PROCR: variants seen among roughly 807,000 people sequenced by gnomAD.
PROCR encodes protein C receptor.
PROCR carries 22 observed loss-of-function variants against 24.2 expected under a neutral mutation model. The ratio of observed to expected loss-of-function variants is 0.91; its 90% CI spans 0.65 to 1.30. PROCR has a LOEUF of 1.30. Ranked by LOEUF, PROCR falls within the 50% of genes most tolerant of loss-of-function variation. PROCR has a pLI of 0.00. For synonymous variants in PROCR, 137 were observed against 139.2 expected (o/e 0.98, Z 0.11); for missense variants, 288 against 307.7 (o/e 0.94, Z 0.48).
chr20:35,214,023 C>T (rs1017405000), intron 1 of PROCR, among the ~76,000 whole-genome samples: 14 of 151,402 alleles, frequency 9.2e-5, no homozygotes, highest in African/African-American at 2.9e-4. Flanking sequence ...TTCGGTGAGC[C>T]GAGACTGTGC....
intron 1 of PROCR, among the ~76,000 whole-genome samples, chr20:35,192,546 G>A (rs375111563): frequency 6.6e-6 from 1 of 152,040 alleles, no homozygotes; most frequent in African/African-American, 2.4e-5. Flanking sequence ...CATATCCCCC[G>A]GGTTGCTTTT....
At chr20:35,195,719 G>A (rs1309032082) in intron 1 of PROCR, among the ~76,000 whole-genome samples, 1 of 151,494 alleles carries the variant, frequency 6.6e-6, no homozygotes, top group Non-Finnish European at 1.5e-5. Context: ...TACTCGGGAG[G>A]CTGAGGCAGG....
intron 1 of PROCR, chr20:35,195,572 G>A (rs1263360401): frequency 2.0e-5 from 3 of 152,144 alleles, no homozygotes; most frequent in African/African-American, 7.2e-5. Context: ...TGTAATCCTA[G>A]CACTTTGGAA....
intron 1 of PROCR, among the ~76,000 whole-genome samples, chr20:35,206,671 C>T (rs1329659436): frequency 6.6e-6 from 1 of 151,884 alleles, no homozygotes; most frequent in Admixed American, 6.6e-5. Context: ...TGTCTATACA[C>T]CTATTGAAAT....
Position 35,176,228 on chromosome 20 carries a change from A to T in PROCR, c.383A>T (p.His128Leu). 8.1e-6 allele frequency: 13 copies of T among 1,614,122 alleles called. No homozygotes were observed. Among genetic ancestry groups the T allele is most frequent in the Non-Finnish European group, 1.1e-5 (13 of 1,180,030 alleles). Reference sequence around the variant, plus strand: ...CTGCCTCCCGAGGGCTCTAGAGCCCATGTCTTCTTCGAAGTGGCTGTGAAT... The same window carrying T: ...CTGCCTCCCGAGGGCTCTAGAGCCCTTGTCTTCTTCGAAGTGGCTGTGAAT... ...CELPPEGSRA[H>L]VFFEVAVNGS... Residue 128 changes from histidine to leucine, a missense_variant, in exon 3 of 4, where the codon CAT becomes CTT. Transcript: ENST00000216968.
chr20:35,173,484 C>T (rs1477232782), intron 1 of PROCR, among the ~76,000 whole-genome samples: 1 of 131,018 alleles, frequency 7.6e-6, no homozygotes, highest in Non-Finnish European at 1.5e-5. Flanking sequence ...GGCTGGAATG[C>T]AGTGGCACAA....
intron 1 of PROCR, among the ~76,000 whole-genome samples, chr20:35,207,279 A>G (rs2060345983): frequency 6.6e-6 from 1 of 152,078 alleles, no homozygotes; most frequent in African/African-American, 2.4e-5. Context: ...TGGTGTTTAC[A>G]TAATTCTTTG....
At chr20:35,174,103 T>C (rs2085980397) in intron 1 of PROCR, among the ~76,000 whole-genome samples, 1 of 152,128 alleles carries the variant, frequency 6.6e-6, no homozygotes, top group Non-Finnish European at 1.5e-5. Flanking sequence ...AAGATAATAA[T>C]GTATGTAAAG....
intron 1 of PROCR, among the ~76,000 whole-genome samples, chr20:35,198,935 C>T (rs1336544400): frequency 1.3e-5 from 2 of 152,066 alleles, no homozygotes; most frequent in Non-Finnish European, 2.9e-5. Context: ...AGGCTGGTCT[C>T]GAACTCCTGA....
intron 1 of PROCR, among the ~76,000 whole-genome samples, chr20:35,188,464 A>G (rs1307267543): frequency 1.3e-5 from 2 of 152,208 alleles, no homozygotes; most frequent in South Asian, 2.1e-4. Flanking sequence ...CCTTTCCTAG[A>G]CTAAGATCTT....
intron 1 of PROCR, 69 bp downstream of exon 1, chr20:35,172,293 A>C: frequency 6.5e-7 from 1 of 1,541,974 alleles, no homozygotes; most frequent in East Asian, 2.2e-5. Flanking sequence ...GGCACATGGC[A>C]AGACCACAGG....
rs535165483 is a variant in PROCR, at chr20:35,187,216, A to C, written c.94+10770A>C. Among the ~76,000 whole-genome samples, 4 of 119,462 alleles carry C rather than the reference A, an allele frequency of 3.3e-5. No homozygotes were observed. The South Asian group carries it at 1.2e-3, about 37-fold the overall frequency. The allele number at this position is 119,462 out of a possible 152,430, so 78.4% of individuals were successfully genotyped here. A position where few individuals can be genotyped will look rare whatever the true frequency, so the allele number is the denominator to read the frequency against. On this transcript the variant is annotated intron_variant, in intron 1 of 1. Coordinates refer to the PROCR transcript ENST00000634509. ...CAGGCATGCACCTCCAAGCCTGCCTAAATTTGTTTTGTTTGTTTGTTTGTT... is the reference window on the plus strand; with the variant it reads ...CAGGCATGCACCTCCAAGCCTGCCTCAATTTGTTTTGTTTGTTTGTTTGTT...
intron 1 of PROCR, among the ~76,000 whole-genome samples, chr20:35,206,448 C>A (rs576627962): frequency 7.7e-6 from 1 of 129,378 alleles, no homozygotes; most frequent in South Asian, 2.6e-4. Flanking sequence ...GCAGTCCAGC[C>A]TGGGCAACAG....
At chr20:35,208,864 C>G (rs894852751) in intron 1 of PROCR, among the ~76,000 whole-genome samples, 2 of 151,990 alleles carry the variant, frequency 1.3e-5, no homozygotes, top group Admixed American at 1.3e-4. Context: ...ACCAGCTACT[C>G]GGGAGGCTGA....
intron 1 of PROCR, among the ~76,000 whole-genome samples, chr20:35,196,601 C>T (rs1204662582): frequency 6.6e-6 from 1 of 152,044 alleles, no homozygotes; most frequent in Non-Finnish European, 1.5e-5. Context: ...AAAGAACTGT[C>T]AACTTGAAAT....
intron 1 of PROCR, among the ~76,000 whole-genome samples, chr20:35,205,752 AATAT>A (rs200029202): frequency 0.084 from 8,611 of 102,158 alleles, 472 homozygotes; most frequent in Non-Finnish European, 0.11. Flanking sequence ...ACTCTGTCTA[AATAT>A]ATATATATAT....
downstream of PROCR, among the ~76,000 whole-genome samples, chr20:35,181,356 C>G (rs576346053): frequency 1.3e-5 from 2 of 152,000 alleles, no homozygotes; most frequent in East Asian, 3.9e-4. Flanking sequence ...CTCACTGCAA[C>G]CTCCACCTCC....
At chr20:35,203,565 T>TGAGATC (rs2060326920) in intron 1 of PROCR, among the ~76,000 whole-genome samples, 1 of 151,018 alleles carries the variant, frequency 6.6e-6, no homozygotes, top group Non-Finnish European at 1.5e-5. Flanking sequence ...TGCAGTGAGC[T>TGAGATC]GAGATCGCAC....
chr20:35,205,752 A>AATAT (rs200029202), intron 1 of PROCR, among the ~76,000 whole-genome samples: 1,245 of 102,374 alleles, frequency 0.012, 14 homozygotes, highest in South Asian at 0.016. Flanking sequence ...ACTCTGTCTA[A>AATAT]ATATATATAT....
Sources: allele counts gnomAD v4.1 joint callset (sites outside exome capture counted in the v4.1 genomes callset), GRCh38; gene constraint gnomAD v4.1.1; transcripts MANE v1.5; gene names NCBI Gene and HGNC (gene_info 2026-07-23, HGNC 2026-07-21).